The following RELN variants were observed in gnomAD, a reference collection of about 807,000 sequenced individuals.
RELN encodes reelin.
RELN carries 108 observed loss-of-function variants against 427.6 expected under a neutral mutation model. That is an observed-to-expected ratio of 0.25 (90% CI 0.22 to 0.30). The LOEUF (loss-of-function observed/expected upper bound fraction) is 0.30. RELN is among the 10% of genes least tolerant of loss of function. The pLI, the probability that RELN is intolerant of heterozygous loss-of-function variation, is 1.00. For synonymous variants in RELN, 1,524 were observed against 1,513.4 expected (o/e 1.01, Z -0.16); for missense variants, 3,715 against 4,302.8 (o/e 0.86, Z 3.82).
chr7:103,918,130 A>G (rs1216024066), intron 1 of RELN, among the ~76,000 whole-genome samples: 1 of 152,152 alleles, frequency 6.6e-6, no homozygotes, highest in Non-Finnish European at 1.5e-5. Flanking sequence ...CGGTGAACAG[A>G]GCTAAATGGT....
chr7:103,787,162 CA>C (rs1032028396), intron 3 of RELN, among the ~76,000 whole-genome samples: 3 of 152,052 alleles, frequency 2.0e-5, no homozygotes, highest in African/African-American at 7.2e-5. Flanking sequence ...AGAACAAAGA[CA>C]CAACATACTA....
At chr7:103,743,987 T>G (rs1790746055) in intron 6 of RELN, among the ~76,000 whole-genome samples, 1 of 152,104 alleles carries the variant, frequency 6.6e-6, no homozygotes, top group African/African-American at 2.4e-5. Context: ...ACCACACCTA[T>G]TCCAAAATTG....
chr7:103,617,462 A>G (rs969855839), intron 20 of RELN, among the ~76,000 whole-genome samples: 1 of 151,916 alleles, frequency 6.6e-6, no homozygotes, highest in African/African-American at 2.4e-5. Context: ...CTAGTTCATG[A>G]TATTTTCATA....
Position 103,496,772 on chromosome 7 carries a change from T to A in RELN, c.8951-4A>T, listed in dbSNP as rs769951344. ...TGGAGCAAAGTCCAGGTAATTCCTA[T>A]AATAACAAATATACCAACATAGCAA... On this transcript the variant is annotated splice_region_variant and splice_polypyrimidine_tract_variant and intron_variant, in intron 55 of 64. Coordinates refer to ENST00000428762, the MANE Select transcript of RELN (RefSeq NM_005045.4). 1 of 1,613,692 alleles carries A rather than the reference T, an allele frequency of 6.2e-7. No homozygotes were observed.
intron 2 of RELN, among the ~76,000 whole-genome samples, chr7:103,868,646 C>G (rs1260049741): frequency 1.3e-5 from 2 of 152,036 alleles, no homozygotes; most frequent in Non-Finnish European, 2.9e-5. Flanking sequence ...CTATGGAACT[C>G]AGAGTTAAAT....
intron 2 of RELN, among the ~76,000 whole-genome samples, chr7:103,842,728 T>C (rs1793582649): frequency 6.6e-6 from 1 of 152,102 alleles, no homozygotes; most frequent in African/African-American, 2.4e-5. Flanking sequence ...CTAAAACCTT[T>C]TAAAAGTCAT....
At chr7:103,684,571 G>A (rs1032436108) in intron 10 of RELN, among the ~76,000 whole-genome samples, 1 of 152,108 alleles carries the variant, frequency 6.6e-6, no homozygotes, top group Non-Finnish European at 1.5e-5. Flanking sequence ...AGATGATAAG[G>A]ACTGAAATCC....
chr7:103,535,565 GT>G, intron 45 of RELN, 81 bp from the exon 46 acceptor site: 1 of 1,349,240 alleles, frequency 7.4e-7, no homozygotes, highest in South Asian at 1.2e-5. Context: ...ATTTGTGTAT[GT>G]TTTAGTTTCA....
At chr7:103,604,225 T>G (rs1831751427) in intron 23 of RELN, 121 bp downstream of exon 23, 2 of 1,146,072 alleles carry the variant, frequency 1.7e-6, no homozygotes, top group Non-Finnish European at 2.6e-6. Context: ...AGGACTTGTT[T>G]CTTTTGGCTA....
intron 3 of RELN, among the ~76,000 whole-genome samples, chr7:103,789,865 T>C (rs989969892): frequency 1.3e-5 from 2 of 152,220 alleles, no homozygotes; most frequent in African/African-American, 4.8e-5. Flanking sequence ...ATCATTCTAC[T>C]ATAAAGACAC....
At chr7:103,841,978 AC>A (rs1013506113) in intron 2 of RELN, among the ~76,000 whole-genome samples, 2 of 152,166 alleles carry the variant, frequency 1.3e-5, no homozygotes, top group African/African-American at 4.8e-5. Flanking sequence ...GTATTACCAA[AC>A]AAAGGGCAAG....
At chr7:103,531,190 A>G (rs887733693) in intron 46 of RELN, among the ~76,000 whole-genome samples, 1 of 152,236 alleles carries the variant, frequency 6.6e-6, no homozygotes, top group African/African-American at 2.4e-5. Flanking sequence ...TCATATGGTG[A>G]AAAGGATCTC....
chr7:103,882,804 C>T (rs1399702016), intron 2 of RELN, among the ~76,000 whole-genome samples: 2 of 152,044 alleles, frequency 1.3e-5, no homozygotes, highest in Admixed American at 1.3e-4. Context: ...AATAGCCTAC[C>T]AGCCAAAAAA....
intron 28 of RELN, among the ~76,000 whole-genome samples, chr7:103,578,467 T>C (rs144525): frequency 0.26 from 40,185 of 152,168 alleles, 5,872 homozygotes; most frequent in South Asian, 0.39. Flanking sequence ...TTTTTCCCTT[T>C]CAATCTTTGC....
chr7:103,791,959 A>G (rs1205834384), intron 3 of RELN, among the ~76,000 whole-genome samples: 1 of 152,208 alleles, frequency 6.6e-6, no homozygotes, highest in Non-Finnish European at 1.5e-5. Context: ...ACAAATGGTC[A>G]ATAAACACAT....
intron 3 of RELN, among the ~76,000 whole-genome samples, chr7:103,784,601 G>A (rs1339070713): frequency 6.6e-6 from 1 of 152,034 alleles, no homozygotes; most frequent in Admixed American, 6.6e-5. Flanking sequence ...CGGCAAAAAG[G>A]ATACATAATT....
At chr7:103,685,371 GA>G (rs1181667119) in intron 10 of RELN, among the ~76,000 whole-genome samples, 1 of 151,846 alleles carries the variant, frequency 6.6e-6, no homozygotes, top group African/African-American at 2.4e-5. Context: ...CTCTTGATAT[GA>G]AAAAAACAAG....
chr7:103,649,272 C>A (rs565855827), intron 16 of RELN, among the ~76,000 whole-genome samples: 1 of 151,946 alleles, frequency 6.6e-6, no homozygotes, highest in East Asian at 1.9e-4. Context: ...AGAATGAAAT[C>A]GTGTCTTTTG....
intron 2 of RELN, among the ~76,000 whole-genome samples, chr7:103,841,964 T>C (rs536625886): frequency 2.6e-5 from 4 of 152,268 alleles, no homozygotes; most frequent in Admixed American, 6.5e-5. Context: ...CATCTGTGGA[T>C]AGGGTATTAC....
Sources: allele counts gnomAD v4.1 joint callset (sites outside exome capture counted in the v4.1 genomes callset), GRCh38; gene constraint gnomAD v4.1.1; transcripts MANE v1.5; gene names NCBI Gene and HGNC (gene_info 2026-07-23, HGNC 2026-07-21).